Variants in CD2AP observed in about 807,000 individuals in gnomAD.
CD2AP encodes the protein CD2 associated protein.
CD2AP carries 46 observed loss-of-function variants against 85.1 expected under a neutral mutation model. The observed-to-expected ratio is 0.54, with a 90% CI of 0.43 to 0.69. The LOEUF is 0.69. Ranked by LOEUF, CD2AP falls within the 30% of genes least tolerant of loss-of-function variation. The pLI, the probability that CD2AP is intolerant of heterozygous loss-of-function variation, is 0.00. For synonymous variants in CD2AP, 255 were observed against 252.9 expected, an observed-to-expected ratio of 1.01 and a Z score of -0.08; for missense variants, 769 against 729.5, an observed-to-expected ratio of 1.05 and a Z score of -0.62.
intron 1 of CD2AP, among the ~76,000 whole-genome samples, chr6:47,502,247 C>T (rs1766014358): frequency 6.6e-6 from 1 of 152,146 alleles, no homozygotes. Flanking sequence ...GGGAAAAAGT[C>T]TCCTATTAAG....
In CD2AP at chr6:47,607,956, G is replaced by A; in HGVS notation, c.1560G>A (p.Lys520=). 2 of 1,612,622 alleles carry A rather than the reference G, an allele frequency of 1.2e-6. No individual in the cohort carries two copies. Among genetic ancestry groups the A allele is most frequent in the Non-Finnish European group, 1.7e-6 (2 of 1,179,142 alleles). ...SPTHSPEKIL[K]LPKEEDSANL... ...CTCACAGCCCCGAAAAAATCTTGAA[G>A]TTACCAAAAGAAGAAGACAGTGCCA... Residue 520 remains lysine, a synonymous_variant, in exon 15 of 18, where the codon AAG becomes AAA. Transcript: ENST00000359314.
intron 5 of CD2AP, among the ~76,000 whole-genome samples, chr6:47,558,751 G>C (rs866715076): frequency 2.2e-4 from 34 of 152,256 alleles, no homozygotes; most frequent in Middle Eastern, 6.8e-3. Flanking sequence ...TTTTCGCATT[G>C]ATGTTCATCA....
At chr6:47,542,519 T>TG (rs1382506063) in intron 3 of CD2AP, among the ~76,000 whole-genome samples, 1 of 152,152 alleles carries the variant, frequency 6.6e-6, no homozygotes, top group Non-Finnish European at 1.5e-5. Flanking sequence ...TGTGCTCTCA[T>TG]GAATGGGTTA....
chr6:47,535,003 C>T (rs896616786), intron 3 of CD2AP, among the ~76,000 whole-genome samples: 1 of 151,950 alleles, frequency 6.6e-6, no homozygotes, highest in African/African-American at 2.4e-5. Context: ...TGCCATGTTG[C>T]CTGAGCTGTT....
At chr6:47,479,597 A>G (rs1002979560) in intron 1 of CD2AP, among the ~76,000 whole-genome samples, 2 of 152,220 alleles carry the variant, frequency 1.3e-5, no homozygotes, top group African/African-American at 4.8e-5. Context: ...TTGCAGGGCA[A>G]TTGTGGGCAT....
At chr6:47,596,252 A>G (rs372879434) in intron 12 of CD2AP, among the ~76,000 whole-genome samples, 4 of 152,168 alleles carry the variant, frequency 2.6e-5, no homozygotes, top group South Asian at 4.1e-4. Flanking sequence ...ATAACCTCAC[A>G]TAGTTAACAT....
chr6:47,503,245 G>C (rs772451959), intron 1 of CD2AP, 35 bp from the exon 2 acceptor site: 194 of 1,592,146 alleles, frequency 1.2e-4, no homozygotes, highest in Non-Finnish European at 1.5e-4. Flanking sequence ...TTGTGAATTA[G>C]ATTTTAGACA....
chr6:47,554,538 A>T, intron 4 of CD2AP, 108 bp from the exon 5 acceptor site: 1 of 1,051,364 alleles, frequency 9.5e-7, no homozygotes, highest in Non-Finnish European at 1.5e-6. Flanking sequence ...GGTTTATTTC[A>T]TAGTGCTAAT....
chr6:47,579,434 G>A lies in CD2AP; in HGVS notation c.953G>A (p.Gly318Glu). Residue 318 changes from glycine (G) to glutamate (E), a missense_variant, in exon 9 of 18, where the codon GGA becomes GAA. Physicochemically the swap from Gly to Glu is moderately conservative, Grantham distance 98. Transcript: ENST00000359314. ...AGGGGCGAACTTAATGGTAAAGAAG[G>A]AGTATTTCCAGACAATTTTGCTGTC... ...WWRGELNGKEGVFPDNFAVQI... is the reference protein window; with the variant it reads ...WWRGELNGKEEVFPDNFAVQI... 6.2e-7 allele frequency: 1 copy of A among 1,613,568 alleles called. No individual in the cohort carries two copies. The highest frequency in any genetic ancestry group is 8.5e-7 in the Non-Finnish European group (1 of 1,179,578).
intron 11 of CD2AP, among the ~76,000 whole-genome samples, chr6:47,593,916 T>A (rs1425406768): frequency 6.6e-6 from 1 of 152,040 alleles, no homozygotes; most frequent in Admixed American, 6.6e-5. Context: ...AGATTGTGTT[T>A]TATATATGTG....
intron 8 of CD2AP, among the ~76,000 whole-genome samples, chr6:47,578,346 G>T (rs547196714): frequency 2.0e-5 from 3 of 152,082 alleles, no homozygotes; most frequent in African/African-American, 7.2e-5. Context: ...GACTACTACA[G>T]TTGCATCCCA....
intron 15 of CD2AP, 36 bp downstream of exon 15, chr6:47,608,064 C>T: frequency 7.0e-7 from 1 of 1,420,100 alleles, no homozygotes; most frequent in Non-Finnish European, 1.0e-6. Flanking sequence ...TGTTGACTTT[C>T]TGGGATTCTT....
intron 11 of CD2AP, among the ~76,000 whole-genome samples, chr6:47,592,938 A>C (rs575142244): frequency 1.3e-5 from 2 of 152,288 alleles, no homozygotes; most frequent in African/African-American, 4.8e-5. Context: ...AGGAGTGATC[A>C]TGGGAATCCC....
chr6:47,496,011 GT>G (rs1417687306), intron 1 of CD2AP, among the ~76,000 whole-genome samples: 1 of 151,994 alleles, frequency 6.6e-6, no homozygotes. Flanking sequence ...TGATGTTACT[GT>G]TTTTATTCAT....
intron 1 of CD2AP, among the ~76,000 whole-genome samples, chr6:47,490,549 T>C (rs1195182831): frequency 6.6e-6 from 1 of 152,184 alleles, no homozygotes; most frequent in Non-Finnish European, 1.5e-5. Flanking sequence ...GTTTTTTGTT[T>C]TTAAGATTTA....
intron 1 of CD2AP, among the ~76,000 whole-genome samples, chr6:47,493,231 T>G (rs910122302): frequency 2.0e-5 from 3 of 152,170 alleles, no homozygotes; most frequent in African/African-American, 7.2e-5. Context: ...TCTGAAGAAC[T>G]TCCTTTAACA....
chr6:47,497,176 A>G (rs1433921209), intron 1 of CD2AP, among the ~76,000 whole-genome samples: 1 of 151,892 alleles, frequency 6.6e-6, no homozygotes, highest in Admixed American at 6.6e-5. Context: ...GCCAAGTAGT[A>G]CATATGATTA....
chr6:47,585,172 G>A (rs1475174019), intron 11 of CD2AP, among the ~76,000 whole-genome samples: 2 of 145,962 alleles, frequency 1.4e-5, no homozygotes, highest in African/African-American at 2.4e-5. Flanking sequence ...GTGTAGCGGC[G>A]GGCGCCTGTA....
At chr6:47,582,589 A>G (rs1000300544) in intron 11 of CD2AP, among the ~76,000 whole-genome samples, 1 of 152,170 alleles carries the variant, frequency 6.6e-6, no homozygotes, top group African/African-American at 2.4e-5. Context: ...GATTGTCACT[A>G]GTAGATTAGT....
Sources: allele counts gnomAD v4.1 joint callset (sites outside exome capture counted in the v4.1 genomes callset), GRCh38; gene constraint gnomAD v4.1.1; transcripts MANE v1.5; gene names NCBI Gene and HGNC (gene_info 2026-07-23, HGNC 2026-07-21).